GALNTL6: variants seen among roughly 807,000 people sequenced by gnomAD.
GALNTL6 encodes polypeptide N-acetylgalactosaminyltransferase like 6.
GALNTL6 carries 46 observed loss-of-function variants against 73.7 expected under a neutral mutation model. The observed-to-expected ratio is 0.62, with a 90% confidence interval of 0.49 to 0.80. The LOEUF is 0.80. GALNTL6 is among the 30% of genes least tolerant of loss of function. GALNTL6 has a pLI of 0.00. For missense variants in GALNTL6, 604 were observed against 755.0 expected (o/e 0.80, Z 2.34); for synonymous variants, 259 against 263.7 (o/e 0.98, Z 0.17).
intron 4 of GALNTL6, among the ~76,000 whole-genome samples, chr4:172,317,248 T>A (rs1027136312): frequency 6.6e-6 from 1 of 152,236 alleles, no homozygotes; most frequent in African/African-American, 2.4e-5. Context: ...GTATATTGAA[T>A]AATGATTCTA....
chr4:172,019,327 A>G (rs966320424), intron 2 of GALNTL6, among the ~76,000 whole-genome samples: 1 of 152,106 alleles, frequency 6.6e-6, no homozygotes, highest in Non-Finnish European at 1.5e-5. Flanking sequence ...GTCCATTTTA[A>G]AGAATCATGT....
chr4:171,996,116 C>T (rs1041684636), intron 2 of GALNTL6, among the ~76,000 whole-genome samples: 1 of 152,018 alleles, frequency 6.6e-6, no homozygotes, highest in Non-Finnish European at 1.5e-5. Context: ...TTCTTGAATC[C>T]GTACACTTAA....
intron 2 of GALNTL6, among the ~76,000 whole-genome samples, chr4:171,963,247 C>G (rs188762417): frequency 6.6e-6 from 1 of 152,064 alleles, no homozygotes; most frequent in African/African-American, 2.4e-5. Flanking sequence ...GTATGTCCAA[C>G]GGCACAGCAA....
intron 2 of GALNTL6, among the ~76,000 whole-genome samples, chr4:171,903,731 C>G (rs1057020519): frequency 6.6e-6 from 1 of 151,964 alleles, no homozygotes; most frequent in African/African-American, 2.4e-5. Flanking sequence ...CTTCTGCAGA[C>G]TTAAATGTCC....
chr4:172,420,790 T>G (rs1202007839), intron 5 of GALNTL6, among the ~76,000 whole-genome samples: 2 of 151,832 alleles, frequency 1.3e-5, no homozygotes, highest in African/African-American at 4.8e-5. Context: ...ATAGACTAGA[T>G]AAAGAAAATG....
At chr4:172,437,084 A>T (rs1561082642) in intron 5 of GALNTL6, among the ~76,000 whole-genome samples, 2 of 152,084 alleles carry the variant, frequency 1.3e-5, no homozygotes, top group African/African-American at 4.8e-5. Context: ...AGTTCAGTCC[A>T]CCCAACTACT....
At chr4:171,852,871 G>T (rs1474014273) in intron 2 of GALNTL6, among the ~76,000 whole-genome samples, 1 of 152,026 alleles carries the variant, frequency 6.6e-6, no homozygotes, top group Non-Finnish European at 1.5e-5. Flanking sequence ...TTTTGAGATG[G>T]AGTCTTGCTC....
At chr4:172,013,913 C>A (rs980821482) in intron 2 of GALNTL6, among the ~76,000 whole-genome samples, 5 of 147,132 alleles carry the variant, frequency 3.4e-5, no homozygotes, top group Admixed American at 1.4e-4. Flanking sequence ...TACTCTATAC[C>A]TCCATGAGTT....
intron 9 of GALNTL6, among the ~76,000 whole-genome samples, chr4:172,934,486 A>G (rs1748508261): frequency 6.6e-6 from 1 of 152,218 alleles, no homozygotes; most frequent in South Asian, 2.1e-4. Context: ...TGGCAAAAAC[A>G]AAAATCAGCA....
intron 5 of GALNTL6, among the ~76,000 whole-genome samples, chr4:172,708,023 C>T (rs2111314817): frequency 6.6e-6 from 1 of 152,158 alleles, no homozygotes; most frequent in Non-Finnish European, 1.5e-5. Flanking sequence ...TGTCACTTGG[C>T]TTGCATTTGA....
At chr4:172,330,159 C>A (rs772894836) in intron 4 of GALNTL6, among the ~76,000 whole-genome samples, 13 of 152,214 alleles carry the variant, frequency 8.5e-5, no homozygotes, top group Middle Eastern at 3.2e-3. Context: ...AGTGTAAACT[C>A]CTGTTTTGCT....
At chr4:171,985,189 T>A (rs1014484769) in intron 2 of GALNTL6, among the ~76,000 whole-genome samples, 1 of 152,054 alleles carries the variant, frequency 6.6e-6, no homozygotes, top group Non-Finnish European at 1.5e-5. Flanking sequence ...TGCCTGAGAC[T>A]GGGTATTTTA....
chr4:172,238,261 C>T (rs916927471), intron 3 of GALNTL6, among the ~76,000 whole-genome samples: 2 of 152,082 alleles, frequency 1.3e-5, no homozygotes, highest in Non-Finnish European at 2.9e-5. Flanking sequence ...TTGTTTATTT[C>T]ATCTCTGATT....
At chr4:172,599,116 TATTCC>T (rs1737962175) in intron 5 of GALNTL6, among the ~76,000 whole-genome samples, 1 of 152,106 alleles carries the variant, frequency 6.6e-6, no homozygotes, top group South Asian at 2.1e-4. Flanking sequence ...TTCTAGAAAT[TATTCC>T]TTTAAAACTA....
intron 8 of GALNTL6, among the ~76,000 whole-genome samples, chr4:172,899,074 A>T (rs562386151): frequency 1.3e-5 from 2 of 152,162 alleles, no homozygotes; most frequent in South Asian, 4.1e-4. Context: ...GTAAGCCCTT[A>T]AAAGGGACAG....
At chr4:172,579,421 G>A (rs1055152833) in intron 5 of GALNTL6, among the ~76,000 whole-genome samples, 3 of 152,144 alleles carry the variant, frequency 2.0e-5, no homozygotes, top group Non-Finnish European at 4.4e-5. Flanking sequence ...TATCATGGCA[G>A]ATAGTAAAGT....
chr4:171,922,791 T>G (rs1435431862), intron 2 of GALNTL6, among the ~76,000 whole-genome samples: 3 of 152,144 alleles, frequency 2.0e-5, no homozygotes, highest in South Asian at 4.1e-4. Flanking sequence ...TTATTTTTAT[T>G]AACTGCTGAT....
intron 2 of GALNTL6, among the ~76,000 whole-genome samples, chr4:172,159,463 C>A (rs947271206): frequency 2.6e-5 from 4 of 152,142 alleles, no homozygotes; most frequent in Non-Finnish European, 5.9e-5. Flanking sequence ...AAGTTTCATT[C>A]ATGATGAAAG....
intron 3 of GALNTL6, among the ~76,000 whole-genome samples, chr4:172,270,005 G>A (rs1378635624): frequency 6.6e-6 from 1 of 151,946 alleles, no homozygotes; most frequent in African/African-American, 2.4e-5. Flanking sequence ...CAAAGTGCTG[G>A]GATTACAGGT....
Sources: gnomAD v4.1 joint callset for allele counts (sites outside exome capture counted in the v4.1 genomes callset) on GRCh38, gnomAD v4.1.1 for gene constraint, MANE v1.5 for transcripts, NCBI Gene and HGNC (gene_info 2026-07-23, HGNC 2026-07-21) for gene names.